The following ABHD12 variants were observed in gnomAD, a reference collection of about 807,000 sequenced individuals.
The protein encoded by ABHD12 is abhydrolase domain containing 12, lysophospholipase, also known as lysophosphatidylserine lipase ABHD12.
In ABHD12, 43 loss-of-function variants were observed where a neutral mutation model predicts 58.3. That is an observed-to-expected ratio of 0.74 (90% CI 0.58 to 0.95). ABHD12 has a LOEUF of 0.95. ABHD12 is among the 40% of genes least tolerant of loss of function. ABHD12 has a pLI of 0.00. For synonymous variants in ABHD12, 219 were observed against 211.2 expected (o/e 1.04, Z -0.32); for missense variants, 539 against 537.2 (o/e 1.00, Z -0.03).
intron 1 of ABHD12, among the ~76,000 whole-genome samples, chr20:25,359,423 C>CAAA (rs565367954): frequency 0.02 from 1,240 of 62,700 alleles, 56 homozygotes; most frequent in Non-Finnish European, 0.036. Flanking sequence ...GACTCCGTCT[C>CAAA]AAAAAAAAAA....
At chr20:25,316,797 T>G (rs1159884510) in intron 5 of ABHD12, among the ~76,000 whole-genome samples, 1 of 152,206 alleles carries the variant, frequency 6.6e-6, no homozygotes, top group Non-Finnish European at 1.5e-5. Context: ...CTGGGCGTGG[T>G]GGCGGCATGC....
intron 2 of ABHD12, among the ~76,000 whole-genome samples, chr20:25,332,410 C>T (rs1414475478): frequency 1.3e-5 from 2 of 151,892 alleles, no homozygotes; most frequent in African/African-American, 4.8e-5. Context: ...GACAGAAAGT[C>T]AACAAGGATA....
intron 6 of ABHD12, among the ~76,000 whole-genome samples, chr20:25,312,250 C>T (rs537190785): frequency 1.3e-4 from 20 of 152,170 alleles, no homozygotes; most frequent in Non-Finnish European, 2.6e-4. Context: ...ACTGTACTGC[C>T]GCCATCTCGG....
chr20:25,314,057 C>T (rs2088915287), intron 6 of ABHD12, among the ~76,000 whole-genome samples: 1 of 151,686 alleles, frequency 6.6e-6, no homozygotes, highest in Admixed American at 6.6e-5. Flanking sequence ...ACTGCAAGCT[C>T]TGCCTCCCAG....
Position 25,390,731 on chromosome 20 carries a change from C to T in ABHD12, c.-28G>A. On this transcript the variant is annotated 5_prime_UTR_variant, in exon 1 of 13. Transcript: ENST00000339157. ...CGCGGCCGACAGGGCCAGCCGCCGACGGCGCCCGCTGGCCTGCGCCGCAGT... is the reference window on the plus strand; with the variant it reads ...CGCGGCCGACAGGGCCAGCCGCCGATGGCGCCCGCTGGCCTGCGCCGCAGT... 1.6e-6 allele frequency: 2 copies of T among 1,287,434 alleles called. No individual in the cohort carries two copies. Among genetic ancestry groups the T allele is most frequent in the Non-Finnish European group, 2.0e-6 (2 of 1,023,470 alleles). 79.8% of individuals were successfully genotyped at this position (1,287,434 alleles called of 1,614,324 possible). A position where few individuals can be genotyped will look rare whatever the true frequency, so the allele number is the denominator to read the frequency against.
In ABHD12 at chr20:25,339,219, C is replaced by G. The variant is rs914236462; in HGVS notation, c.316+8G>C. The G allele has an allele frequency of 3.7e-6, 6 of 1,613,936 alleles. No individual in the cohort carries two copies. The Admixed American group carries it at 1.0e-4, about 27-fold the overall frequency. On this transcript the variant is annotated splice_region_variant and intron_variant, in intron 2 of 12. Coordinates refer to ENST00000339157, the MANE Select transcript of ABHD12 (RefSeq NM_001042472.3). ...AAATTAAAGGAAAAATGGACACATA[C>G]CACTTACCGAAATTCAAGAAAATCA...
intron 1 of ABHD12, among the ~76,000 whole-genome samples, chr20:25,370,569 A>G (rs2089887529): frequency 6.6e-6 from 1 of 152,208 alleles, no homozygotes; most frequent in South Asian, 2.1e-4. Context: ...CAGGATGTAT[A>G]AGAGAGACAG....
At chr20:25,310,997 C>G (rs2088839747) in intron 6 of ABHD12, among the ~76,000 whole-genome samples, 1 of 152,146 alleles carries the variant, frequency 6.6e-6, no homozygotes, top group African/African-American at 2.4e-5. Context: ...CAGAAGAGAA[C>G]CAGTGTCAAC....
intron 12 of ABHD12, among the ~76,000 whole-genome samples, chr20:25,301,107 GTC>G (rs1386656963): frequency 6.6e-6 from 1 of 152,176 alleles, no homozygotes; most frequent in African/African-American, 2.4e-5. Context: ...TGGAGACAAG[GTC>G]TCTGATTCTT....
intron 1 of ABHD12, among the ~76,000 whole-genome samples, chr20:25,369,512 G>C (rs2089870231): frequency 6.6e-6 from 1 of 152,078 alleles, no homozygotes; most frequent in African/African-American, 2.4e-5. Context: ...TCCACACAAG[G>C]CTTTAGGGTT....
At chr20:25,304,463 G>A (rs1487570721) in intron 10 of ABHD12, among the ~76,000 whole-genome samples, 1 of 152,246 alleles carries the variant, frequency 6.6e-6, no homozygotes, top group Non-Finnish European at 1.5e-5. Context: ...ATGAGCTGAG[G>A]GTGGGGGTCT....
At chr20:25,376,049 G>A (rs1199484151) in intron 1 of ABHD12, among the ~76,000 whole-genome samples, 1 of 152,144 alleles carries the variant, frequency 6.6e-6, no homozygotes, top group Non-Finnish European at 1.5e-5. Flanking sequence ...CATGAGCTGG[G>A]AGGCGGAGAT....
chr20:25,325,031 C>T (rs1380427217), intron 2 of ABHD12, among the ~76,000 whole-genome samples: 1 of 151,742 alleles, frequency 6.6e-6, no homozygotes, highest in African/African-American at 2.4e-5. Context: ...CACGGCAAAA[C>T]CCCACCTCTA....
rs150780194 is a variant in ABHD12 at position 25,301,953 on chromosome 20, G to T, written c.1157+266C>A. ...AGTGTTCCCAAACATGGCCACCTGT[G>T]AGCGTGTGTGCCCCCCCGTGTGGGT... On this transcript the variant is annotated intron_variant, in intron 12 of 12. Transcript: ENST00000339157. Among the ~76,000 whole-genome samples, 38 of 152,340 alleles carry T rather than the reference G, an allele frequency of 2.5e-4. 1 individual carries two copies. The East Asian group carries it at 6.9e-3, about 28-fold the overall frequency.
At chr20:25,300,138 A>C, downstream of ABHD12, 1 of 948,906 alleles carries the variant, frequency 1.1e-6, no homozygotes, top group Non-Finnish European at 1.3e-6. Context: ...CAAAGCGGCT[A>C]GAGGCTAGGC....
In ABHD12 at chr20:25,359,433, A is replaced by AAC. The variant is rs535648223; in HGVS notation, c.192-20083_192-20082insGT. Among the ~76,000 whole-genome samples, 71 of 137,498 alleles carry AAC rather than the reference A, an allele frequency of 5.2e-4. 3 individuals carry two copies. The South Asian group carries it at 0.017, about 33-fold the overall frequency. The allele number at this position is 137,498 out of a possible 152,430, so 90.2% of individuals were successfully genotyped here. ...AGCGAGACTCCGTCTCAAAAAAAAA[A>AAC]AAAAAAAAAAAACATTTCTATTTCA... On this transcript the variant is annotated intron_variant, in intron 1 of 12. Transcript: ENST00000339157.
At chr20:25,350,640 A>G (rs2089585704) in intron 1 of ABHD12, among the ~76,000 whole-genome samples, 1 of 152,196 alleles carries the variant, frequency 6.6e-6, no homozygotes, top group Non-Finnish European at 1.5e-5. Context: ...TGTGTTTATT[A>G]GCAGCGTGAG....
At chr20:25,368,447 T>A in intron 1 of ABHD12, 1 of 1,596,398 alleles carries the variant, frequency 6.3e-7, no homozygotes. Context: ...CTGGGAACCG[T>A]TTGTGTTGGG....
At chr20:25,346,866 G>A (rs1414507053) in intron 1 of ABHD12, among the ~76,000 whole-genome samples, 1 of 152,078 alleles carries the variant, frequency 6.6e-6, no homozygotes, top group African/African-American at 2.4e-5. Flanking sequence ...GGATGGTCTC[G>A]ATCTCCTGAC....
Sources: allele counts gnomAD v4.1 joint callset (sites outside exome capture counted in the v4.1 genomes callset), GRCh38; gene constraint gnomAD v4.1.1; transcripts MANE v1.5; gene names NCBI Gene and HGNC (gene_info 2026-07-23, HGNC 2026-07-21).